INPP5A: variants seen among roughly 807,000 people sequenced by gnomAD.
The protein encoded by INPP5A is inositol polyphosphate-5-phosphatase A.
Under a neutral mutation model 65.2 loss-of-function variants are expected in INPP5A, and 14 were observed. The observed-to-expected ratio is 0.21, with a 90% CI of 0.14 to 0.34. The LOEUF (loss-of-function observed/expected upper bound fraction) is 0.34, where lower values mean the gene tolerates loss of function less well. Ranked by LOEUF, INPP5A falls within the 10% of genes least tolerant of loss-of-function variation. The probability of loss-of-function intolerance (pLI) is 1.00; values close to 1 mark genes in which losing one functional copy is unlikely to be tolerated. For missense variants in INPP5A, 431 were observed against 545.6 expected (o/e 0.79, Z 2.09); for synonymous variants, 207 against 208.3 (o/e 0.99, Z 0.05).
At chr10:132,615,779 C>G (rs1252079085) in intron 2 of INPP5A, among the ~76,000 whole-genome samples, 1 of 152,100 alleles carries the variant, frequency 6.6e-6, no homozygotes, top group Non-Finnish European at 1.5e-5. Flanking sequence ...CAGAGTGGGC[C>G]CTGGGTCAGT....
intron 9 of INPP5A, among the ~76,000 whole-genome samples, chr10:132,737,901 T>C (rs1248123147): frequency 6.6e-6 from 1 of 152,240 alleles, no homozygotes; most frequent in Non-Finnish European, 1.5e-5. Flanking sequence ...GTGATGACAT[T>C]AGGCTTCGTA....
At chr10:132,749,368 G>T in intron 9 of INPP5A, 149 bp from the exon 10 acceptor site, 2 of 662,660 alleles carry the variant, frequency 3.0e-6, no homozygotes, top group Non-Finnish European at 2.6e-6. Flanking sequence ...TGCGGGAGTG[G>T]CCCCTGACCC....
rs949844366 is a variant in INPP5A, at chr10:132,627,938, C to T, written c.118-17930C>T. 3.3e-5 allele frequency among the ~76,000 whole-genome samples: 5 copies of T among 152,008 alleles called. No homozygotes were observed. Among genetic ancestry groups the T allele is most frequent in the African/African-American group, 4.8e-5 (2 of 41,376 alleles). ...GTGGAGAGAAACTGGAGATAAGGGA[C>T]GCGAATCTGACTCGGTGACTTTGTT... On this transcript the variant is annotated intron_variant, in intron 2 of 15. Coordinates refer to ENST00000368594, the MANE Select transcript of INPP5A (RefSeq NM_005539.5). The surrounding 1 kb of genome is among the most constrained non-coding windows in gnomAD (Gnocchi z 6.6).
intron 1 of INPP5A, among the ~76,000 whole-genome samples, chr10:132,595,604 C>T (rs2071675965): frequency 6.6e-6 from 1 of 152,154 alleles, no homozygotes; most frequent in African/African-American, 2.4e-5. Flanking sequence ...TCAGTGCCTT[C>T]CTTACCTACA....
At chr10:132,596,848 C>T (rs1186939232) in intron 1 of INPP5A, among the ~76,000 whole-genome samples, 19 of 132,026 alleles carry the variant, frequency 1.4e-4, no homozygotes, top group Admixed American at 2.9e-4. Flanking sequence ...TGTGTGCATG[C>T]GTGTGTGTGC....
intron 1 of INPP5A, among the ~76,000 whole-genome samples, chr10:132,592,270 G>A (rs970244121): frequency 6.6e-6 from 1 of 152,236 alleles, no homozygotes; most frequent in Non-Finnish European, 1.5e-5. Flanking sequence ...TGACTGCATA[G>A]TAGTGTGAGG....
chr10:132,708,166 T>A, intron 6 of INPP5A, 147 bp from the exon 7 acceptor site: 1 of 685,474 alleles, frequency 1.5e-6, no homozygotes, highest in South Asian at 1.8e-5. Flanking sequence ...ACAGCTCGGT[T>A]CTCTTTAGTG....
chr10:132,551,468 C>T lies in INPP5A; in HGVS notation c.75+13297C>T, dbSNP rs1388175581. Among the ~76,000 whole-genome samples, 1 of 152,186 alleles carries T rather than the reference C, an allele frequency of 6.6e-6. No homozygotes were observed. Among genetic ancestry groups the T allele is most frequent in the Non-Finnish European group, 1.5e-5 (1 of 68,042 alleles). On this transcript the variant is annotated intron_variant, in intron 1 of 15. Transcript: ENST00000368594. The surrounding 1 kb of genome is among the most constrained non-coding windows in gnomAD (Gnocchi z 5.3). ...GCCATACGCCTGGGTGCAAAGTGGA[C>T]CAGCCACTGTGGGTCATGTGGGGGG...
chr10:132,644,321 G>A lies in INPP5A; in HGVS notation c.118-1547G>A, dbSNP rs558813670. ...TTGTCTCCTGCTGCCGCTGCCACCT[G>A]CAGCACAGACGGAGCCTGTGCACGG... is the stretch of plus-strand genomic sequence containing the variant. On this transcript the variant is annotated intron_variant, in intron 2 of 15. Coordinates refer to ENST00000368594, the MANE Select transcript of INPP5A (RefSeq NM_005539.5). This position sits in a 1 kb window ranked among gnomAD's most constrained non-coding sequence, Gnocchi z 6.5. 2.9e-4 allele frequency among the ~76,000 whole-genome samples: 44 copies of A among 152,346 alleles called. No homozygotes were observed. Among genetic ancestry groups the A allele is most frequent in the Admixed American group, 4.6e-4 (7 of 15,312 alleles).
At chr10:132,645,789 G>T in intron 2 of INPP5A, 79 bp from the exon 3 acceptor site, 2 of 1,101,688 alleles carry the variant, frequency 1.8e-6, no homozygotes, top group East Asian at 2.6e-5. Flanking sequence ...CAGGCTGTGG[G>T]GGCGGTGGAG....
chr10:132,691,809 C>T (rs1042531445), intron 5 of INPP5A, among the ~76,000 whole-genome samples: 4 of 151,838 alleles, frequency 2.6e-5, no homozygotes, highest in South Asian at 2.1e-4. Flanking sequence ...ACATGGGAGA[C>T]GTGCGGTCGC....
At chr10:132,729,439 C>G (rs1318162885) in intron 9 of INPP5A, among the ~76,000 whole-genome samples, 1 of 152,200 alleles carries the variant, frequency 6.6e-6, no homozygotes, top group Non-Finnish European at 1.5e-5. Flanking sequence ...GCAGCTCCTG[C>G]CCAGGTCTAG....
rs780754916 is a variant in INPP5A, at chr10:132,726,888, T to A, written c.715T>A (p.Ser239Thr). ...TGGTGATTTCAACTTCCGGCTGGATTCCAAGTCCGTCGTGGAGGTAGGCGC... is the reference window on the plus strand; with the variant it reads ...TGGTGATTTCAACTTCCGGCTGGATACCAAGTCCGTCGTGGAGGTAGGCGC... ...VFGDFNFRLD[S>T]KSVVETLCTK... Residue 239 changes from serine (S) to threonine (T), a missense_variant, in exon 9 of 16, where the codon TCC becomes ACC. Coordinates refer to ENST00000368594, the MANE Select transcript of INPP5A (RefSeq NM_005539.5). 6.2e-7 allele frequency: 1 copy of A among 1,609,682 alleles called. No homozygotes were observed. Among genetic ancestry groups the A allele is most frequent in the Non-Finnish European group, 8.5e-7 (1 of 1,176,666 alleles).
intron 2 of INPP5A, among the ~76,000 whole-genome samples, chr10:132,622,333 C>T (rs2072122365): frequency 6.7e-6 from 1 of 150,306 alleles, no homozygotes; most frequent in Admixed American, 6.6e-5. Context: ...GATTGGAAGA[C>T]TCAGTTACGC....
At chr10:132,632,787 C>A (rs571590608) in intron 2 of INPP5A, among the ~76,000 whole-genome samples, 67 of 152,356 alleles carry the variant, frequency 4.4e-4, no homozygotes, top group African/African-American at 1.6e-3. Flanking sequence ...TGTACTGTTA[C>A]GTATGATCTT....
At position 132,753,784 on chromosome 10, in the gene INPP5A, C is replaced by T. The variant is rs1251738334; in HGVS notation, c.903+3939C>T. ...CTTTCCTTTATCAGCGCCAGTGTCTCTGCAGGAGTGGCGTGAGCGGCGGCC... is the reference window on the plus strand; with the variant it reads ...CTTTCCTTTATCAGCGCCAGTGTCTTTGCAGGAGTGGCGTGAGCGGCGGCC... On this transcript the variant is annotated intron_variant, in intron 11 of 15. Transcript: ENST00000368594. This position sits in a 1 kb window ranked among gnomAD's most constrained non-coding sequence, Gnocchi z 5.3. 6.6e-6 allele frequency: 1 copy of T among 152,190 alleles called. No individual in the cohort carries two copies. The highest frequency in any genetic ancestry group is 1.9e-4 in the East Asian group (1 of 5,192). 9.4% of individuals were successfully genotyped at this position (152,190 alleles called of 1,614,324 possible).
Position 132,616,574 on chromosome 10 carries a change from TA to T in INPP5A, c.117+8619del, listed in dbSNP as rs1357995932. Among the ~76,000 whole-genome samples, 1 of 151,548 alleles carries T rather than the reference TA, an allele frequency of 6.6e-6. No individual in the cohort carries two copies. Among genetic ancestry groups the T allele is most frequent in the Non-Finnish European group, 1.5e-5 (1 of 67,858 alleles). On this transcript the variant is annotated intron_variant, in intron 2 of 15. Coordinates refer to ENST00000368594, the MANE Select transcript of INPP5A (RefSeq NM_005539.5). The surrounding 1 kb of genome is among the most constrained non-coding windows in gnomAD (Gnocchi z 4.9). ...GTGGTGACATAGTGTGTGTTGGTGATAGGGGATGGGGTGGTGACATGGGATG... is the reference window on the plus strand; with the variant it reads ...GTGGTGACATAGTGTGTGTTGGTGATGGGGATGGGGTGGTGACATGGGATG...
intron 5 of INPP5A, among the ~76,000 whole-genome samples, chr10:132,693,511 A>G (rs1403012346): frequency 6.6e-6 from 1 of 152,206 alleles, no homozygotes; most frequent in Non-Finnish European, 1.5e-5. Context: ...GAAAACTTAA[A>G]TGGGCCAAAA....
In INPP5A at chr10:132,708,718, G is replaced by A. The variant is rs551237412; in HGVS notation, c.527+353G>A. Reference sequence around the variant, plus strand: ...GGGCCCTGTGGCTGCCCAGTGAGACGGCGTAAGCGCTGCCTGGCAGCCTGG... The same window carrying A: ...GGGCCCTGTGGCTGCCCAGTGAGACAGCGTAAGCGCTGCCTGGCAGCCTGG... On this transcript the variant is annotated intron_variant, in intron 7 of 15. Coordinates refer to ENST00000368594, the MANE Select transcript of INPP5A (RefSeq NM_005539.5). 1.8e-4 allele frequency among the ~76,000 whole-genome samples: 28 copies of A among 152,330 alleles called. No individual in the cohort carries two copies. In the South Asian group the frequency reaches 1.9e-3, roughly 10 times the overall value.
Sources: allele counts gnomAD v4.1 joint callset (sites outside exome capture counted in the v4.1 genomes callset), GRCh38; gene constraint gnomAD v4.1.1; non-coding constraint Gnocchi (gnomAD v3.1); transcripts MANE v1.5; gene names NCBI Gene and HGNC (gene_info 2026-07-23, HGNC 2026-07-21).